ASAP1: variants seen among roughly 807,000 people sequenced by gnomAD.
The protein encoded by ASAP1 is arf-GAP with SH3 domain, ANK repeat and PH domain-containing protein 1.
A neutral mutation model predicts 145.2 loss-of-function variants in ASAP1; 43 were observed. The ratio of observed to expected loss-of-function variants is 0.30; its 90% CI spans 0.23 to 0.38. The LOEUF (loss-of-function observed/expected upper bound fraction) is 0.38. Among genes scored for constraint, ASAP1 ranks in the 10% least tolerant of loss-of-function variants. The pLI is 1.00. For synonymous variants in ASAP1, 546 were observed against 515.5 expected (o/e 1.06, Z -0.80); for missense variants, 1,018 against 1,355.3 (o/e 0.75, Z 3.91).
At chr8:130,290,719 C>T (rs1821893155) in intron 3 of ASAP1, among the ~76,000 whole-genome samples, 1 of 152,234 alleles carries the variant, frequency 6.6e-6, no homozygotes, top group African/African-American at 2.4e-5. Flanking sequence ...TATCTGTGGA[C>T]TATTTCCTTG....
chr8:130,090,172 T>A (rs1480164108), intron 25 of ASAP1, among the ~76,000 whole-genome samples: 1 of 152,206 alleles, frequency 6.6e-6, no homozygotes, highest in Non-Finnish European at 1.5e-5. Context: ...AAAAAAGTGA[T>A]GATTTTCAAG....
intron 4 of ASAP1, among the ~76,000 whole-genome samples, chr8:130,217,124 T>C (rs1816975331): frequency 6.6e-6 from 1 of 152,148 alleles, no homozygotes; most frequent in South Asian, 2.1e-4. Flanking sequence ...GCCATGTGAG[T>C]GGAAGTGATG....
At chr8:130,374,081 G>T (rs753311318) in intron 2 of ASAP1, among the ~76,000 whole-genome samples, 3 of 123,292 alleles carry the variant, frequency 2.4e-5, no homozygotes, top group African/African-American at 6.2e-5. Context: ...GCTAAGCACA[G>T]AACTTAGAAG....
chr8:130,201,626 A>T (rs1046001940), intron 5 of ASAP1, among the ~76,000 whole-genome samples: 1 of 152,196 alleles, frequency 6.6e-6, no homozygotes, highest in Non-Finnish European at 1.5e-5. Context: ...AGTAGCTAGG[A>T]TTTATAAGAC....
At position 130,358,176 on chromosome 8, in the gene ASAP1, G is replaced by C. The variant is rs1826461353; in HGVS notation, c.60-33C>G. ...GAGGGACGAGACACAAGCGGGGGCGGGGGGTGAGTCACGGCGCAGGCTCCC... is the reference window on the plus strand; with the variant it reads ...GAGGGACGAGACACAAGCGGGGGCGCGGGGTGAGTCACGGCGCAGGCTCCC... On this transcript the variant is annotated intron_variant, in intron 2 of 29. Coordinates refer to ENST00000518721, the MANE Select transcript of ASAP1 (RefSeq NM_018482.4). The surrounding 1 kb of genome is among the most constrained non-coding windows in gnomAD (Gnocchi z 4.1). The C allele has an allele frequency of 3.8e-6, 6 of 1,577,208 alleles. No homozygotes were observed. Among genetic ancestry groups the C allele is most frequent in the African/African-American group, 1.3e-5 (1 of 74,100 alleles).
intron 24 of ASAP1, among the ~76,000 whole-genome samples, chr8:130,107,586 C>A (rs531993319): frequency 6.6e-6 from 1 of 150,508 alleles, no homozygotes; most frequent in African/African-American, 2.4e-5. Flanking sequence ...CTCATTCTGT[C>A]GCCCGGGCTG....
chr8:130,348,183 C>CA (rs1825804122), intron 3 of ASAP1, among the ~76,000 whole-genome samples: 1 of 152,184 alleles, frequency 6.6e-6, no homozygotes. Context: ...TACAGAAATG[C>CA]AAGGTATCCA....
intron 3 of ASAP1, among the ~76,000 whole-genome samples, chr8:130,276,728 A>ACACACACACACACACACTCTCTCT (rs548512902): frequency 1.5e-4 from 13 of 87,306 alleles, no homozygotes; most frequent in African/African-American, 4.8e-4. Flanking sequence ...ACACACACAC[A>ACACACACACACACACACTCTCTCT]CTCTCTCTCT....
chr8:130,417,876 A>C (rs1046120760), intron 1 of ASAP1, among the ~76,000 whole-genome samples: 1 of 152,204 alleles, frequency 6.6e-6, no homozygotes, highest in African/African-American at 2.4e-5. Context: ...GCCTCGCTGT[A>C]CTGGTGGTTC....
At chr8:130,381,423 T>C (rs1197770958) in intron 2 of ASAP1, among the ~76,000 whole-genome samples, 1 of 151,310 alleles carries the variant, frequency 6.6e-6, no homozygotes, top group Non-Finnish European at 1.5e-5. Context: ...ACAGAGTTTT[T>C]CATACAAAGT....
intron 3 of ASAP1, among the ~76,000 whole-genome samples, chr8:130,317,418 A>T (rs114214771): frequency 2.2e-4 from 33 of 152,346 alleles, no homozygotes; most frequent in African/African-American, 7.7e-4. Context: ...TTGAAACTGT[A>T]GGAACAGGGT....
chr8:130,253,828 C>CT (rs1342232469), intron 3 of ASAP1, among the ~76,000 whole-genome samples: 1 of 152,016 alleles, frequency 6.6e-6, no homozygotes, highest in Non-Finnish European at 1.5e-5. Context: ...AATGACGAGC[C>CT]TGGCCAACAT....
chr8:130,054,702 T>C lies in ASAP1; in HGVS notation c.*29A>G. Reference sequence around the variant, plus strand: ...GAAGGCAGCAGTCTTGCATGAAGGATGTGGACAATCTTAAGGTTCTGCGTT... The same window carrying C: ...GAAGGCAGCAGTCTTGCATGAAGGACGTGGACAATCTTAAGGTTCTGCGTT... On this transcript the variant is annotated 3_prime_UTR_variant, in exon 30 of 30. Transcript: ENST00000518721. 1 of 1,591,644 alleles carries C rather than the reference T, an allele frequency of 6.3e-7. No homozygotes were observed. Among genetic ancestry groups the C allele is most frequent in the Non-Finnish European group, 8.6e-7 (1 of 1,159,864 alleles).
intron 1 of ASAP1, among the ~76,000 whole-genome samples, chr8:130,428,034 T>C (rs993783768): frequency 3.3e-5 from 5 of 152,054 alleles, no homozygotes; most frequent in African/African-American, 1.2e-4. Context: ...CTTCTCCAAG[T>C]CTCTACACTT....
chr8:130,225,204 A>G (rs1817519794), intron 4 of ASAP1, among the ~76,000 whole-genome samples: 1 of 152,172 alleles, frequency 6.6e-6, no homozygotes, highest in East Asian at 1.9e-4. Flanking sequence ...TGTGTTGCAA[A>G]TATTTCTTCC....
intron 24 of ASAP1, among the ~76,000 whole-genome samples, chr8:130,107,908 G>A (rs945196987): frequency 2.0e-5 from 3 of 152,220 alleles, no homozygotes; most frequent in East Asian, 3.9e-4. Context: ...AGAAGGTGAT[G>A]CTGGAAAGGC....
At chr8:130,407,436 G>A (rs1249359446) in intron 1 of ASAP1, among the ~76,000 whole-genome samples, 1 of 152,174 alleles carries the variant, frequency 6.6e-6, no homozygotes, top group Non-Finnish European at 1.5e-5. Flanking sequence ...AGTGCCTTCC[G>A]GGGAGCACTC....
chr8:130,234,290 A>C (rs1004903829), intron 4 of ASAP1, among the ~76,000 whole-genome samples: 16 of 152,170 alleles, frequency 1.1e-4, no homozygotes, highest in African/African-American at 3.9e-4. Context: ...CTGAATTTTA[A>C]ATTTTATTTT....
Position 130,296,118 on chromosome 8 carries a change from C to T in ASAP1, c.187-59124G>A, listed in dbSNP as rs554908346. Among the ~76,000 whole-genome samples the T allele has an allele frequency of 2.6e-5, 4 of 152,302 alleles. No homozygotes were observed. In the South Asian group the frequency reaches 8.3e-4, roughly 32 times the overall value. On this transcript the variant is annotated intron_variant, in intron 3 of 29. Transcript: ENST00000518721. ...ATAGTGACCTTTAACTCTCTCTGCA[C>T]CTAGCTCATCACTGTTCAGAAGAAA...
Sources: allele counts gnomAD v4.1 joint callset (sites outside exome capture counted in the v4.1 genomes callset), GRCh38; gene constraint gnomAD v4.1.1; non-coding constraint Gnocchi (gnomAD v3.1); transcripts MANE v1.5; gene names NCBI Gene and HGNC (gene_info 2026-07-23, HGNC 2026-07-21).